Variants in NFAM1 observed in about 807,000 individuals in gnomAD.
NFAM1 encodes NFAT activating protein with ITAM motif 1.
In NFAM1, 17 loss-of-function variants were observed where a neutral mutation model predicts 29.0. The observed-to-expected ratio is 0.59, with a 90% confidence interval of 0.40 to 0.88. NFAM1 has a LOEUF of 0.88. Ranked by LOEUF, NFAM1 falls within the 40% of genes least tolerant of loss-of-function variation. NFAM1 has a pLI of 0.00. For synonymous variants in NFAM1, 175 were observed against 147.2 expected (o/e 1.19, Z -1.36); for missense variants, 324 against 344.6 (o/e 0.94, Z 0.47).
intron 1 of NFAM1, among the ~76,000 whole-genome samples, chr22:42,416,499 T>C (rs756530369): frequency 1.3e-5 from 2 of 152,040 alleles, no homozygotes; most frequent in Non-Finnish European, 2.9e-5. Flanking sequence ...CAGATGCTAA[T>C]AAGAGGTTTG....
rs577458452 is a variant in NFAM1, at chr22:42,432,333, G to A, written c.25C>T (p.Arg9Trp). 60 of 1,578,062 alleles carry A rather than the reference G, an allele frequency of 3.8e-5. No individual in the cohort carries two copies. The South Asian group carries it at 5.3e-4, about 14-fold the overall frequency. MENQPVRWRALPGLPRPPG... is the reference protein window; with the variant it reads MENQPVRWWALPGLPRPPG... ...GGGCGTGGGAGGCCTGGCAGGGCCC[G>A]CCACCTCACAGGCTGGTTCTCCATC... The change falls in exon 1 of 6, where the codon CGG (arginine) becomes TGG (tryptophan). Residue 9 changes from arginine (R) to tryptophan (W), a missense_variant. Transcript: ENST00000329021.
chr22:42,416,922 A>C (rs553571919), intron 1 of NFAM1, among the ~76,000 whole-genome samples: 1 of 152,066 alleles, frequency 6.6e-6, no homozygotes, highest in South Asian at 2.1e-4. Context: ...GAGGAAGACC[A>C]GGGTGGATAC....
chr22:42,417,641 G>A, intron 1 of NFAM1, among the ~76,000 whole-genome samples: 1 of 152,180 alleles, frequency 6.6e-6, no homozygotes. Context: ...GGAGGGGCTG[G>A]TGAGGACCTG....
At chr22:42,430,291 G>A (rs956551933) in intron 1 of NFAM1, among the ~76,000 whole-genome samples, 8 of 151,938 alleles carry the variant, frequency 5.3e-5, no homozygotes, top group African/African-American at 1.9e-4. Flanking sequence ...CGGGCACAGT[G>A]GCTCACGCCT....
intron 1 of NFAM1, among the ~76,000 whole-genome samples, chr22:42,418,061 CA>C (rs547823804): frequency 1.2e-3 from 187 of 152,342 alleles, no homozygotes; most frequent in African/African-American, 4.4e-3. Flanking sequence ...CACTTCTCTG[CA>C]GCTCCAGGGA....
rs113950557 is a variant in NFAM1, at chr22:42,406,937, G to A, written c.564+2498C>T. 1.4e-3 allele frequency among the ~76,000 whole-genome samples: 220 copies of A among 152,002 alleles called. 1 individual carries two copies. Among genetic ancestry groups the A allele is most frequent in the African/African-American group, 5.2e-3 (215 of 41,464 alleles). On this transcript the variant is annotated intron_variant, in intron 3 of 5. Coordinates refer to ENST00000329021, the MANE Select transcript of NFAM1 (RefSeq NM_145912.8). Reference sequence around the variant, plus strand: ...CTACAGGCGTGTGACCACCACACCCGGCTAATTTTTTGTATCTTTAGTAGA... The same window carrying A: ...CTACAGGCGTGTGACCACCACACCCAGCTAATTTTTTGTATCTTTAGTAGA...
intron 1 of NFAM1, among the ~76,000 whole-genome samples, chr22:42,421,513 C>T (rs1930445700): frequency 1.3e-5 from 2 of 151,956 alleles, no homozygotes; most frequent in Non-Finnish European, 2.9e-5. Flanking sequence ...TTCCTCTCAC[C>T]CCCAGAATCT....
At chr22:42,404,400 T>C (rs1279410653) in intron 3 of NFAM1, among the ~76,000 whole-genome samples, 1 of 151,994 alleles carries the variant, frequency 6.6e-6, no homozygotes, top group Non-Finnish European at 1.5e-5. Flanking sequence ...CTGGACTCTC[T>C]CCTTACCCCA....
At chr22:42,408,463 C>T (rs1010524277) in intron 3 of NFAM1, among the ~76,000 whole-genome samples, 4 of 152,176 alleles carry the variant, frequency 2.6e-5, no homozygotes, top group Non-Finnish European at 4.4e-5. Context: ...GGCTTGGCCC[C>T]GAAGGTCCCC....
upstream of NFAM1, among the ~76,000 whole-genome samples, chr22:42,436,801 G>A (rs1402738063): frequency 2.6e-5 from 4 of 152,330 alleles, no homozygotes; most frequent in African/African-American, 9.6e-5. Flanking sequence ...CTTGCCCAAG[G>A]CCACACAGCG....
At chr22:42,400,480 TG>T (rs1281180864) in intron 3 of NFAM1, among the ~76,000 whole-genome samples, 2 of 152,188 alleles carry the variant, frequency 1.3e-5, no homozygotes, top group African/African-American at 4.8e-5. Context: ...TAGCCATGTG[TG>T]GTGGTGAGCA....
rs1928924713 is a variant in NFAM1 at position 42,380,948 on chromosome 22, ACCCCAG to A, written c.*4207_*4212del. On this transcript the variant is annotated 3_prime_UTR_variant, in exon 6 of 6. Coordinates refer to ENST00000329021, the MANE Select transcript of NFAM1 (RefSeq NM_145912.8). ...TCCTGCAATATTGGCTGTGAAGGGA[ACCCCAG>A]CCACACCGGGTTCAGCGCAGAACCA... is the stretch of plus-strand genomic sequence containing the variant. The A allele has an allele frequency of 6.6e-6, 1 of 152,456 alleles. No homozygotes were observed. Among genetic ancestry groups the A allele is most frequent in the Admixed American group, 6.5e-5 (1 of 15,278 alleles). The allele number at this position is 152,456 out of a possible 1,614,324, so 9.4% of individuals were successfully genotyped here.
rs960492079 is a variant in NFAM1 at position 42,388,044 on chromosome 22, A to G, written c.664-966T>C. ...CTACAGCTGTGCTTGGCACAAAGGG[A>G]GCAGCACCAAATGAGCTATGGTAAG... On this transcript the variant is annotated intron_variant, in intron 4 of 5. Transcript: ENST00000329021. The surrounding 1 kb of genome is among the most constrained non-coding windows in gnomAD (Gnocchi z 4.1). Among the ~76,000 whole-genome samples the G allele has an allele frequency of 3.9e-5, 6 of 152,206 alleles. No individual in the cohort carries two copies. Among genetic ancestry groups the G allele is most frequent in the Non-Finnish European group, 8.8e-5 (6 of 68,034 alleles).
At chr22:42,436,273 GC>G (rs2146566821), upstream of NFAM1, among the ~76,000 whole-genome samples, 1 of 152,312 alleles carries the variant, frequency 6.6e-6, no homozygotes, top group East Asian at 1.9e-4. Flanking sequence ...CGCTGCGGCT[GC>G]GAAAATCACT....
upstream of NFAM1, among the ~76,000 whole-genome samples, chr22:42,436,493 T>G (rs1344831185): frequency 6.6e-6 from 1 of 152,166 alleles, no homozygotes; most frequent in East Asian, 1.9e-4. Flanking sequence ...TGGGGCCGTC[T>G]TGTGCCTCGC....
intron 3 of NFAM1, among the ~76,000 whole-genome samples, chr22:42,402,438 T>G (rs1054944638): frequency 1.3e-5 from 2 of 151,936 alleles, no homozygotes; most frequent in African/African-American, 4.8e-5. Context: ...GAGCAGAAAC[T>G]TTGCTGCAGG....
intron 1 of NFAM1, among the ~76,000 whole-genome samples, chr22:42,414,100 C>T (rs924202329): frequency 6.6e-6 from 1 of 151,996 alleles, no homozygotes; most frequent in Admixed American, 6.6e-5. Flanking sequence ...ACACACCCTC[C>T]CTCAAAGAAC....
Position 42,387,050 on chromosome 22 carries a change from T to TAGACCTCGATGCAGGCG in NFAM1, c.691_692insCGCCTGCATCGAGGTCT (p.Tyr231SerfsTer71). On this transcript the variant is annotated frameshift_variant, in exon 5 of 6. Transcript: ENST00000329021. LOFTEE classifies it high-confidence loss of function. ...GCCATCCTCATTCTCGATGCAGGCA[T>TAGACCTCGATGCAGGCG]AGACCTCGGTCTCGCGGCGCTGCAG... 6.3e-7 allele frequency: 1 copy of TAGACCTCGATGCAGGCG among 1,587,782 alleles called. No individual in the cohort carries two copies. The highest frequency in any genetic ancestry group is 1.1e-5 in the South Asian group (1 of 87,658).
chr22:42,407,509 C>T (rs1237458256), intron 3 of NFAM1, among the ~76,000 whole-genome samples: 1 of 152,048 alleles, frequency 6.6e-6, no homozygotes, highest in African/African-American at 2.4e-5. Context: ...GCTGGGATTA[C>T]AGGCGCCTAC....
Sources: allele counts gnomAD v4.1 joint callset (sites outside exome capture counted in the v4.1 genomes callset), GRCh38; gene constraint gnomAD v4.1.1; non-coding constraint Gnocchi (gnomAD v3.1); transcripts MANE v1.5; gene names NCBI Gene and HGNC (gene_info 2026-07-23, HGNC 2026-07-21).